TOM1L2: variants seen among roughly 807,000 people sequenced by gnomAD.
TOM1L2 encodes the protein target of myb1 like 2 membrane trafficking protein, also known as TOM1-like protein 2.
Under a neutral mutation model 67.9 loss-of-function variants are expected in TOM1L2, and 31 were observed. That is an observed-to-expected ratio of 0.46 (90% CI 0.34 to 0.62). The LOEUF (loss-of-function observed/expected upper bound fraction) is 0.62, where lower values mean the gene tolerates loss of function less well. Ranked by LOEUF, TOM1L2 falls within the 20% of genes least tolerant of loss-of-function variation. TOM1L2 has a pLI of 0.01. For missense variants in TOM1L2, 606 were observed against 663.5 expected (o/e 0.91, Z 0.95); for synonymous variants, 256 against 254.0 (o/e 1.01, Z -0.07).
At chr17:17,946,480 T>C (rs1226972620) in intron 1 of TOM1L2, among the ~76,000 whole-genome samples, 2 of 152,226 alleles carry the variant, frequency 1.3e-5, no homozygotes, top group African/African-American at 4.8e-5. Context: ...GCTGTTTGTG[T>C]CTGGCTTCTT....
chr17:17,911,225 G>A (rs1215001475), intron 1 of TOM1L2, among the ~76,000 whole-genome samples: 5 of 152,122 alleles, frequency 3.3e-5, no homozygotes, highest in South Asian at 2.1e-4. Context: ...CCATGGCAAC[G>A]GCATCAGGAT....
At chr17:17,885,175 G>A (rs538640785) in intron 4 of TOM1L2, among the ~76,000 whole-genome samples, 5 of 152,362 alleles carry the variant, frequency 3.3e-5, no homozygotes, top group East Asian at 3.9e-4. Flanking sequence ...CCCTCTGTGC[G>A]GGAGCACCTC....
chr17:17,868,897 T>C (rs575740518), intron 8 of TOM1L2: 1 of 167,256 alleles, frequency 6.0e-6, no homozygotes, highest in Admixed American at 5.6e-5. Flanking sequence ...AAAAGCTTTT[T>C]TTCTTTTTTC....
rs1335179292 is a variant in TOM1L2 at position 17,844,999 on chromosome 17, T to C, written c.*2636A>G. 3 of 152,488 alleles carry C rather than the reference T, an allele frequency of 2.0e-5. No homozygotes were observed. The highest frequency in any genetic ancestry group is 1.5e-5 in the Non-Finnish European group (1 of 68,082). The allele number at this position is 152,488 out of a possible 1,614,324, so 9.4% of individuals were successfully genotyped here. A position where few individuals can be genotyped will look rare whatever the true frequency, so the allele number is the denominator to read the frequency against. ...GGTTTCCTGACAGAGCCGCACCCCC[T>C]TCCTGGACCAGGCAGCCTAAGGACT... is the stretch of plus-strand genomic sequence containing the variant. On this transcript the variant is annotated 3_prime_UTR_variant, in exon 15 of 15. Transcript: ENST00000379504.
At chr17:17,847,928 G>T in intron 14 of TOM1L2, 145 bp from the exon 15 acceptor site, 2 of 1,035,030 alleles carry the variant, frequency 1.9e-6, no homozygotes, top group Non-Finnish European at 1.4e-6. Flanking sequence ...GGGTTCGTGA[G>T]CTGCAGTGTG....
In TOM1L2 at chr17:17,847,212, G is replaced by A. The variant is rs1252870972; in HGVS notation, c.*423C>T. ...CCACAAAGCCCCTTCAGGGAGAGAG[G>A]GGCCCAGGAGGGCAGAATGCCTGAG... On this transcript the variant is annotated 3_prime_UTR_variant, in exon 15 of 15. Transcript: ENST00000379504. The A allele has an allele frequency of 5.0e-6, 1 of 198,378 alleles. No homozygotes were observed. Among genetic ancestry groups the A allele is most frequent in the Non-Finnish European group, 1.0e-5 (1 of 96,188 alleles). 12.3% of individuals were successfully genotyped at this position (198,378 alleles called of 1,614,324 possible).
At chr17:17,911,601 C>T (rs1479824705) in intron 1 of TOM1L2, among the ~76,000 whole-genome samples, 1 of 152,130 alleles carries the variant, frequency 6.6e-6, no homozygotes, top group African/African-American at 2.4e-5. Flanking sequence ...GCCTTAGTTC[C>T]AGAGGCAATC....
intron 1 of TOM1L2, among the ~76,000 whole-genome samples, chr17:17,957,312 A>G (rs983253509): frequency 6.6e-6 from 1 of 152,178 alleles, no homozygotes; most frequent in African/African-American, 2.4e-5. Flanking sequence ...TAGAGAAAAC[A>G]ATGCATATGA....
chr17:17,925,155 C>T (rs2040032375), intron 1 of TOM1L2, among the ~76,000 whole-genome samples: 1 of 152,176 alleles, frequency 6.6e-6, no homozygotes, highest in African/African-American at 2.4e-5. Flanking sequence ...TCCTATACAG[C>T]CTGCAAAACC....
intron 7 of TOM1L2, among the ~76,000 whole-genome samples, chr17:17,874,808 A>G (rs773446024): frequency 5.3e-5 from 8 of 152,202 alleles, no homozygotes; most frequent in Non-Finnish European, 1.2e-4. Flanking sequence ...CTATGCTCCA[A>G]TCCTGGAGAA....
intron 1 of TOM1L2, among the ~76,000 whole-genome samples, chr17:17,929,505 C>T (rs2040239016): frequency 6.6e-6 from 1 of 152,094 alleles, no homozygotes; most frequent in Admixed American, 6.5e-5. Context: ...GTGGAATGTG[C>T]CTGTAATCCC....
At chr17:17,881,429 C>T (rs2037716763) in intron 6 of TOM1L2, among the ~76,000 whole-genome samples, 1 of 152,162 alleles carries the variant, frequency 6.6e-6, no homozygotes. Context: ...CTTCTGGCTA[C>T]TAGGAGGGCC....
chr17:17,920,444 A>C (rs2039813029), intron 1 of TOM1L2, among the ~76,000 whole-genome samples: 1 of 148,736 alleles, frequency 6.7e-6, no homozygotes, highest in South Asian at 2.1e-4. Context: ...GGGTTCAAGC[A>C]ATTCTCCAGC....
At chr17:17,878,915 C>G (rs1044830456) in intron 7 of TOM1L2, among the ~76,000 whole-genome samples, 1 of 151,960 alleles carries the variant, frequency 6.6e-6, no homozygotes, top group African/African-American at 2.4e-5. Flanking sequence ...CTGGACCTGG[C>G]TGCCCTGGGA....
At chr17:17,964,900 G>C (rs1311181192) in intron 1 of TOM1L2, among the ~76,000 whole-genome samples, 1 of 152,218 alleles carries the variant, frequency 6.6e-6, no homozygotes, top group Non-Finnish European at 1.5e-5. Context: ...AGGAGGAGGA[G>C]CAGGCTGACG....
chr17:17,881,199 A>G (rs1277488762), intron 6 of TOM1L2, among the ~76,000 whole-genome samples: 3 of 152,116 alleles, frequency 2.0e-5, no homozygotes, highest in African/African-American at 7.2e-5. Context: ...CTGGTGGATG[A>G]TCCAGGGGTT....
chr17:17,912,408 A>T (rs2039417781), intron 1 of TOM1L2, among the ~76,000 whole-genome samples: 1 of 146,856 alleles, frequency 6.8e-6, no homozygotes, highest in South Asian at 2.2e-4. Context: ...TGCTGGGCAG[A>T]GGGGCTCCTC....
At chr17:17,901,345 C>T (rs2038846735) in intron 2 of TOM1L2, among the ~76,000 whole-genome samples, 1 of 152,204 alleles carries the variant, frequency 6.6e-6, no homozygotes, top group Non-Finnish European at 1.5e-5. Context: ...CAGGAAGAAT[C>T]AGTGGCCTGT....
intron 1 of TOM1L2, among the ~76,000 whole-genome samples, chr17:17,932,993 C>T (rs764387332): frequency 9.9e-5 from 15 of 152,180 alleles, no homozygotes; most frequent in Admixed American, 5.2e-4. Context: ...GTTATGATTG[C>T]ATTCAGCTGC....
Sources: gnomAD v4.1 joint callset for allele counts (sites outside exome capture counted in the v4.1 genomes callset) on GRCh38, gnomAD v4.1.1 for gene constraint, MANE v1.5 for transcripts, NCBI Gene and HGNC (gene_info 2026-07-23, HGNC 2026-07-21) for gene names.